The following CALN1 variants were observed in gnomAD, a reference collection of about 807,000 sequenced individuals.
CALN1 encodes the protein calcium-binding protein 8.
A neutral mutation model predicts 30.6 loss-of-function variants in CALN1; 17 were observed. The ratio of observed to expected loss-of-function variants is 0.56; its 90% CI spans 0.38 to 0.83. CALN1 has a LOEUF of 0.83. CALN1 is among the 40% of genes least tolerant of loss of function. CALN1 has a pLI of 0.00. For synonymous variants in CALN1, 156 were observed against 131.4 expected (o/e 1.19, Z -1.28); for missense variants, 291 against 354.9 (o/e 0.82, Z 1.45).
chr7:71,955,715 G>C (rs990664829), intron 5 of CALN1, among the ~76,000 whole-genome samples: 1 of 152,036 alleles, frequency 6.6e-6, no homozygotes, highest in African/African-American at 2.4e-5. Flanking sequence ...GGCTCAATAA[G>C]CCCCTGATGT....
At chr7:72,238,815 C>T (rs1024464475) in intron 3 of CALN1, among the ~76,000 whole-genome samples, 2 of 152,202 alleles carry the variant, frequency 1.3e-5, no homozygotes, top group African/African-American at 4.8e-5. Flanking sequence ...AATTAAACCT[C>T]TTTCCTTTGT....
intron 1 of CALN1, among the ~76,000 whole-genome samples, chr7:72,409,849 C>T (rs1806990895): frequency 6.6e-6 from 1 of 151,862 alleles, no homozygotes; most frequent in Non-Finnish European, 1.5e-5. Context: ...CATCAAGTTA[C>T]AGTCTTTTCT....
chr7:72,402,408 T>C (rs1806400231), intron 2 of CALN1, among the ~76,000 whole-genome samples: 1 of 152,164 alleles, frequency 6.6e-6, no homozygotes, highest in South Asian at 2.1e-4. Flanking sequence ...GCCCCCACCA[T>C]ATACACTTAC....
At chr7:72,350,896 T>G (rs1802886991) in intron 2 of CALN1, among the ~76,000 whole-genome samples, 1 of 152,206 alleles carries the variant, frequency 6.6e-6, no homozygotes, top group African/African-American at 2.4e-5. Flanking sequence ...ATCCCAGCAC[T>G]TTGGGAGGCC....
intron 4 of CALN1, among the ~76,000 whole-genome samples, chr7:72,028,924 G>C (rs184622630): frequency 9.1e-4 from 138 of 152,192 alleles, no homozygotes; most frequent in Middle Eastern, 3.4e-3. Flanking sequence ...CTGGGAGGTG[G>C]AGGTTGCAGT....
intron 3 of CALN1, among the ~76,000 whole-genome samples, chr7:72,178,849 T>C (rs552054178): frequency 6.6e-6 from 1 of 152,330 alleles, no homozygotes; most frequent in South Asian, 2.1e-4. Flanking sequence ...ACAGCAAATT[T>C]TGAAATGCTT....
intron 4 of CALN1, among the ~76,000 whole-genome samples, chr7:72,075,241 C>T (rs1804655003): frequency 1.3e-5 from 2 of 152,232 alleles, no homozygotes; most frequent in African/African-American, 4.8e-5. Flanking sequence ...CTGCTTTACA[C>T]AGTCTACCTA....
intron 5 of CALN1, among the ~76,000 whole-genome samples, chr7:71,887,978 AG>A (rs2116862914): frequency 6.6e-6 from 1 of 152,198 alleles, no homozygotes; most frequent in East Asian, 1.9e-4. Flanking sequence ...ACATGTCTGT[AG>A]GGCAACTGGT....
intron 1 of CALN1, among the ~76,000 whole-genome samples, chr7:72,408,900 A>C (rs1806900461): frequency 6.7e-6 from 1 of 150,040 alleles, no homozygotes; most frequent in Non-Finnish European, 1.5e-5. Flanking sequence ...TTGGTCTCAA[A>C]CTCTTGGGCT....
Position 72,148,255 on chromosome 7 carries a change from GTGGT to G in CALN1, c.245-41965_245-41962del, listed in dbSNP as rs1786925942. Among the ~76,000 whole-genome samples the G allele has an allele frequency of 2.2e-5, 3 of 138,560 alleles. No individual in the cohort carries two copies. In the South Asian group the frequency reaches 6.6e-4, roughly 30 times the overall value. 90.9% of individuals were successfully genotyped at this position (138,560 alleles called of 152,430 possible). ...CCACAGTAATGAGTTCACATCAAAT[GTGGT>G]TGTTTAAAAAAAAAAAAAAAAAAGT... On this transcript the variant is annotated intron_variant, in intron 3 of 6. Coordinates refer to ENST00000395275, the MANE Select transcript of CALN1 (RefSeq NM_031468.4).
chr7:72,092,669 A>G (rs914763852), intron 4 of CALN1, among the ~76,000 whole-genome samples: 1 of 142,508 alleles, frequency 7.0e-6, no homozygotes, highest in African/African-American at 2.5e-5. Flanking sequence ...CTAAAATTCT[A>G]AAGTTATCAT....
At chr7:72,288,074 C>T (rs531847816) in intron 2 of CALN1, among the ~76,000 whole-genome samples, 1 of 151,804 alleles carries the variant, frequency 6.6e-6, no homozygotes, top group Non-Finnish European at 1.5e-5. Context: ...GAATCAGGAG[C>T]TGCTTAAGCT....
intron 1 of CALN1, among the ~76,000 whole-genome samples, chr7:72,429,793 A>ATG (rs1315500601): frequency 3.3e-5 from 5 of 149,488 alleles, no homozygotes; most frequent in African/African-American, 9.8e-5. Context: ...CTATATGTAT[A>ATG]TATGTGTGTG....
At chr7:72,280,787 G>A (rs767610309) in intron 2 of CALN1, among the ~76,000 whole-genome samples, 2 of 152,154 alleles carry the variant, frequency 1.3e-5, no homozygotes, top group Non-Finnish European at 2.9e-5. Context: ...AGGTCATGAG[G>A]ACAGAATTAA....
At chr7:72,315,591 G>A (rs1800385890) in intron 2 of CALN1, among the ~76,000 whole-genome samples, 1 of 151,956 alleles carries the variant, frequency 6.6e-6, no homozygotes, top group Non-Finnish European at 1.5e-5. Flanking sequence ...TGTAGTCCCA[G>A]CTACTCGGGA....
At chr7:71,824,843 GCAC>G (rs1788819287) in intron 5 of CALN1, among the ~76,000 whole-genome samples, 1 of 152,162 alleles carries the variant, frequency 6.6e-6, no homozygotes, top group South Asian at 2.1e-4. Flanking sequence ...TGGTTGCAGT[GCAC>G]CACAATAGTA....
At chr7:72,161,821 T>C (rs542703434) in intron 3 of CALN1, among the ~76,000 whole-genome samples, 1 of 152,066 alleles carries the variant, frequency 6.6e-6, no homozygotes, top group Non-Finnish European at 1.5e-5. Flanking sequence ...TGATGGATGC[T>C]GGGCTTAATA....
intron 5 of CALN1, among the ~76,000 whole-genome samples, chr7:71,879,442 T>C (rs1440296094): frequency 6.6e-6 from 1 of 152,162 alleles, no homozygotes; most frequent in Non-Finnish European, 1.5e-5. Flanking sequence ...AAACTCTTGC[T>C]GAGAGTGGAA....
chr7:72,287,788 A>G (rs2129554655), intron 2 of CALN1, among the ~76,000 whole-genome samples: 1 of 152,192 alleles, frequency 6.6e-6, no homozygotes, highest in African/African-American at 2.4e-5. Context: ...TTGTATATAA[A>G]TTACACAATC....
Sources: gnomAD v4.1 joint callset for allele counts (sites outside exome capture counted in the v4.1 genomes callset) on GRCh38, gnomAD v4.1.1 for gene constraint, MANE v1.5 for transcripts, NCBI Gene and HGNC (gene_info 2026-07-23, HGNC 2026-07-21) for gene names.